The following TRAPPC9 variants were observed in gnomAD, a reference collection of about 807,000 sequenced individuals.
The protein encoded by TRAPPC9 is trafficking protein particle complex subunit 9.
TRAPPC9 carries 83 observed loss-of-function variants against 124.0 expected under a neutral mutation model. The observed-to-expected ratio is 0.67, with a 90% CI of 0.56 to 0.80. The LOEUF (loss-of-function observed/expected upper bound fraction) is 0.80, where lower values mean the gene tolerates loss of function less well. Ranked by LOEUF, TRAPPC9 falls within the 30% of genes least tolerant of loss-of-function variation. TRAPPC9 has a pLI of 0.00. For missense variants in TRAPPC9, 1,302 were observed against 1,508.3 expected (o/e 0.86, Z 2.27); for synonymous variants, 638 against 617.5 (o/e 1.03, Z -0.49).
At chr8:140,181,015 C>A (rs562053428) in intron 17 of TRAPPC9, among the ~76,000 whole-genome samples, 2 of 152,302 alleles carry the variant, frequency 1.3e-5, no homozygotes, top group African/African-American at 4.8e-5. Context: ...GTTGCCATCT[C>A]TTTGAATATT....
rs190046935 is a variant in TRAPPC9, at chr8:140,249,697, G to A, written c.2431+3080C>T. Among the ~76,000 whole-genome samples, 349 of 147,386 alleles carry A rather than the reference G, an allele frequency of 2.4e-3. 1 individual carries two copies. The highest frequency in any genetic ancestry group is 4.9e-3 in the African/African-American group (197 of 39,894). On this transcript the variant is annotated intron_variant, in intron 16 of 22. Transcript: ENST00000438773. ...CGGCTCACTGCAAGCTCCGCCTCCCGGGTTCACGCCATTCTCCCACCTCAG... is the reference window on the plus strand; with the variant it reads ...CGGCTCACTGCAAGCTCCGCCTCCCAGGTTCACGCCATTCTCCCACCTCAG...
intron 13 of TRAPPC9, among the ~76,000 whole-genome samples, chr8:140,284,822 C>G (rs1037773475): frequency 1.3e-5 from 2 of 152,198 alleles, no homozygotes; most frequent in African/African-American, 4.8e-5. Flanking sequence ...CACCTCCTGC[C>G]AGCTTAAAGC....
At chr8:140,274,467 C>CG (rs1004365843) in intron 15 of TRAPPC9, among the ~76,000 whole-genome samples, 1 of 152,168 alleles carries the variant, frequency 6.6e-6, no homozygotes, top group Non-Finnish European at 1.5e-5. Flanking sequence ...AGACACGGAC[C>CG]GGGAGAATGG....
At chr8:140,420,696 T>TA (rs1004530955) in intron 5 of TRAPPC9, among the ~76,000 whole-genome samples, 2 of 152,034 alleles carry the variant, frequency 1.3e-5, no homozygotes, top group Non-Finnish European at 2.9e-5. Context: ...ACCTACTGCT[T>TA]AAAAAAATGT....
At chr8:140,419,440 A>C (rs1438448982) in intron 5 of TRAPPC9, among the ~76,000 whole-genome samples, 1 of 147,358 alleles carries the variant, frequency 6.8e-6, no homozygotes, top group Non-Finnish European at 1.5e-5. Context: ...AAAAAAAAAA[A>C]AAAAAAAAAA....
chr8:140,417,683 T>C (rs1588315141), intron 5 of TRAPPC9, among the ~76,000 whole-genome samples: 4 of 152,100 alleles, frequency 2.6e-5, no homozygotes, highest in Admixed American at 6.6e-5. Flanking sequence ...ACCAGAAATA[T>C]CATTTGACCC....
chr8:139,879,112 G>T (rs897306672), intron 21 of TRAPPC9, among the ~76,000 whole-genome samples: 4 of 152,258 alleles, frequency 2.6e-5, no homozygotes, highest in Non-Finnish European at 5.9e-5. Context: ...CGGCCTACGG[G>T]TGTGATAGAA....
rs191950580 is a variant in TRAPPC9, at chr8:140,161,003, T to C, written c.2556+60456A>G. Among the ~76,000 whole-genome samples, 762 of 152,280 alleles carry C rather than the reference T, an allele frequency of 5.0e-3. 6 individuals are homozygous for C. Among genetic ancestry groups the C allele is most frequent in the African/African-American group, 0.017 (710 of 41,552 alleles). On this transcript the variant is annotated intron_variant, in intron 17 of 22. Transcript: ENST00000438773. Reference sequence around the variant, plus strand: ...CGCCTGACTTCATCAGAAGTGGCTATTTTTATCCGTTTTACAGATGAGGAA... The same window carrying C: ...CGCCTGACTTCATCAGAAGTGGCTACTTTTATCCGTTTTACAGATGAGGAA...
chr8:140,179,096 A>T (rs906295356), intron 17 of TRAPPC9, among the ~76,000 whole-genome samples: 7 of 152,124 alleles, frequency 4.6e-5, no homozygotes, highest in African/African-American at 1.7e-4. Flanking sequence ...AAATTGATTA[A>T]TTTCTGATCT....
At chr8:140,360,012 T>G (rs764588578) in intron 9 of TRAPPC9, 38 bp downstream of exon 9, 1 of 1,613,206 alleles carries the variant, frequency 6.2e-7, no homozygotes, top group Non-Finnish European at 8.5e-7. Context: ...TCATTCACAG[T>G]TCCTTGAAAA....
chr8:140,173,553 C>CCA lies in TRAPPC9; in HGVS notation c.2556+47905_2556+47906insTG, dbSNP rs1178736686. ...TGGGCGACAGAGCAAGACTCTGTCT[C>CCA]AAAAAAAAAAAAAAAAAAAAATCTT... On this transcript the variant is annotated intron_variant, in intron 17 of 22. Coordinates refer to ENST00000438773, the MANE Select transcript of TRAPPC9 (RefSeq NM_001160372.4). 4.5e-3 allele frequency among the ~76,000 whole-genome samples: 266 copies of CCA among 59,548 alleles called. 10 individuals are homozygous for CCA. Among genetic ancestry groups the CCA allele is most frequent in the Middle Eastern group, 0.014 (2 of 146 alleles). 39.1% of individuals were successfully genotyped at this position (59,548 alleles called of 152,430 possible).
intron 9 of TRAPPC9, among the ~76,000 whole-genome samples, chr8:140,321,939 G>A (rs1440786119): frequency 1.3e-5 from 2 of 152,202 alleles, no homozygotes; most frequent in Non-Finnish European, 2.9e-5. Context: ...GAGGCTTGCT[G>A]AGCTTGGTAG....
intron 17 of TRAPPC9, among the ~76,000 whole-genome samples, chr8:140,158,599 T>G (rs1190921213): frequency 6.6e-6 from 1 of 152,256 alleles, no homozygotes. Context: ...CAATAAGAAC[T>G]ACATATATGT....
chr8:140,372,050 G>A (rs1396067073), intron 7 of TRAPPC9, among the ~76,000 whole-genome samples: 2 of 152,188 alleles, frequency 1.3e-5, no homozygotes, highest in Non-Finnish European at 2.9e-5. Flanking sequence ...CAGACTTAAC[G>A]TACCTGATTT....
intron 16 of TRAPPC9, among the ~76,000 whole-genome samples, chr8:140,232,976 T>C (rs1208869319): frequency 2.0e-5 from 3 of 152,176 alleles, no homozygotes; most frequent in African/African-American, 7.2e-5. Flanking sequence ...AATCTGAGTG[T>C]TTCGTGTGTT....
intron 18 of TRAPPC9, among the ~76,000 whole-genome samples, chr8:140,005,652 A>G (rs969506584): frequency 1.3e-5 from 2 of 152,128 alleles, no homozygotes; most frequent in East Asian, 3.9e-4. Context: ...GACAAGGGAG[A>G]AGGGCTGGGT....
At chr8:140,366,763 A>C (rs1475683055) in intron 8 of TRAPPC9, among the ~76,000 whole-genome samples, 2 of 152,238 alleles carry the variant, frequency 1.3e-5, no homozygotes, top group Non-Finnish European at 2.9e-5. Context: ...TGCTCTGCAA[A>C]AGACATATCA....
At chr8:140,454,739 G>C (rs1477277081) in intron 1 of TRAPPC9, among the ~76,000 whole-genome samples, 4 of 149,810 alleles carry the variant, frequency 2.7e-5, no homozygotes, top group Non-Finnish European at 5.9e-5. Context: ...AGGAGTTCGA[G>C]ACCAGCCTGG....
intron 16 of TRAPPC9, among the ~76,000 whole-genome samples, chr8:140,244,981 T>C (rs2063945690): frequency 6.6e-6 from 1 of 151,868 alleles, no homozygotes; most frequent in African/African-American, 2.4e-5. Flanking sequence ...AATTTTTGTA[T>C]TTTTAGTAGA....
Sources: allele counts gnomAD v4.1 joint callset (sites outside exome capture counted in the v4.1 genomes callset), GRCh38; gene constraint gnomAD v4.1.1; transcripts MANE v1.5; gene names NCBI Gene and HGNC (gene_info 2026-07-23, HGNC 2026-07-21).